RREB1: variants seen among roughly 807,000 people sequenced by gnomAD.
RREB1 encodes the protein ras-responsive element-binding protein 1.
A neutral mutation model predicts 117.8 loss-of-function variants in RREB1; 27 were observed. That is an observed-to-expected ratio of 0.23 (90% CI 0.17 to 0.32). The LOEUF (loss-of-function observed/expected upper bound fraction) is 0.32, where lower values mean the gene tolerates loss of function less well. RREB1 is among the 10% of genes least tolerant of loss of function. The pLI, the probability that RREB1 is intolerant of heterozygous loss-of-function variation, is 1.00. For synonymous variants in RREB1, 1,298 were observed against 1,026.7 expected (o/e 1.26, Z -5.05); for missense variants, 2,577 against 2,378.2 (o/e 1.08, Z -1.74).
chr6:7,201,839 T>C lies in RREB1; in HGVS notation c.426-8965T>C, dbSNP rs370521586. On this transcript the variant is annotated intron_variant, in intron 6 of 12. Coordinates refer to ENST00000379938, the MANE Select transcript of RREB1 (RefSeq NM_001003699.4). ...GTTTATGGGTGGGAAAACTGAGGTC[T>C]GCCATGCTGCAGGTTCTTCTGGGGC... is the stretch of plus-strand genomic sequence containing the variant. Among the ~76,000 whole-genome samples, 10 of 152,290 alleles carry C rather than the reference T, an allele frequency of 6.6e-5. 1 individual carries two copies. The East Asian group carries it at 7.7e-4, about 12-fold the overall frequency.
chr6:7,246,663 G>T lies in RREB1; in HGVS notation c.4213G>T (p.Gly1405Cys). The change falls in exon 12 of 13, where the codon GGC becomes TGC. Residue 1405 changes from glycine to cysteine, a missense_variant. Coordinates refer to ENST00000379938, the MANE Select transcript of RREB1 (RefSeq NM_001003699.4). ...TGAGGAGAGCACTGGGGACGCCGACGGCGCGGAAGAGGACGCGTCGAGCAA... is the reference window on the plus strand; with the variant it reads ...TGAGGAGAGCACTGGGGACGCCGACTGCGCGGAAGAGGACGCGTCGAGCAA... ...GTEESTGDAD[G>C]AEEDASSNQS... is the part of the protein sequence containing the mutation. The T allele has an allele frequency of 1.9e-6, 3 of 1,579,260 alleles. No individual in the cohort carries two copies. Among genetic ancestry groups the T allele is most frequent in the South Asian group, 2.3e-5 (2 of 86,208 alleles).
chr6:7,174,620 T>C (rs1327499593), intron 1 of RREB1, among the ~76,000 whole-genome samples: 4 of 152,356 alleles, frequency 2.6e-5, no homozygotes. Context: ...ATTGTATTTA[T>C]TTATTTTTTT....
At chr6:7,164,134 A>AC (rs2113472499) in intron 1 of RREB1, among the ~76,000 whole-genome samples, 1 of 152,016 alleles carries the variant, frequency 6.6e-6, no homozygotes, top group African/African-American at 2.4e-5. Flanking sequence ...TATTATCTAG[A>AC]CTCATAAAAA....
Position 7,248,755 on chromosome 6 carries a change from C to G in RREB1, c.5016C>G (p.Ser1672Arg), listed in dbSNP as rs1483760568. The change falls in exon 13 of 13, where the codon AGC becomes AGG. Residue 1672 changes from serine to arginine, a missense_variant. Ser to Arg is a moderately radical substitution (Grantham distance 110, BLOSUM62 -1). Coordinates refer to ENST00000379938, the MANE Select transcript of RREB1 (RefSeq NM_001003699.4). The part of the protein sequence containing the change: ...NASNHMAVTR[S>R]RKEGLASATK... ...GCAACCACATGGCTGTCACCCGGAG[C>G]CGGAAGGAGGGCTTGGCCAGTGCCA... 6.2e-7 allele frequency: 1 copy of G among 1,614,106 alleles called. No individual in the cohort carries two copies. The highest frequency in any genetic ancestry group is 8.5e-7 in the Non-Finnish European group (1 of 1,180,006).
chr6:7,158,634 A>T lies in RREB1; in HGVS notation c.-284-18021A>T, dbSNP rs141201512. 8.5e-5 allele frequency among the ~76,000 whole-genome samples: 13 copies of T among 152,330 alleles called. No homozygotes were observed. The East Asian group carries it at 2.5e-3, about 29-fold the overall frequency. ...TTTCTAGACCTAAAATTAGAATTGT[A>T]TAGACAGCACTTAATTCTCTTACCT... On this transcript the variant is annotated intron_variant, in intron 1 of 12. Coordinates refer to ENST00000379938, the MANE Select transcript of RREB1 (RefSeq NM_001003699.4).
chr6:7,127,016 T>G (rs910571480), intron 1 of RREB1, among the ~76,000 whole-genome samples: 2 of 152,160 alleles, frequency 1.3e-5, no homozygotes, highest in African/African-American at 2.4e-5. Context: ...GAAAACGTCC[T>G]TCTAGGCAAA....
chr6:7,153,413 T>TACACACACACACACACACAC lies in RREB1; in HGVS notation c.-284-23230_-284-23211dup, dbSNP rs57110705. 2.6e-3 allele frequency among the ~76,000 whole-genome samples: 380 copies of TACACACACACACACACACAC among 145,814 alleles called. 3 individuals carry two copies. Among genetic ancestry groups the TACACACACACACACACACAC allele is most frequent in the African/African-American group, 7.7e-3 (303 of 39,264 alleles). On this transcript the variant is annotated intron_variant, in intron 1 of 12. Transcript: ENST00000379938. ...AAGTCAAGGGATTCCAGTAGTGGTA[T>TACACACACACACACACACAC]ACACACACACACACACACACACACA...
intron 1 of RREB1, among the ~76,000 whole-genome samples, chr6:7,117,706 A>G (rs1346699570): frequency 6.6e-6 from 1 of 151,572 alleles, no homozygotes; most frequent in Non-Finnish European, 1.5e-5. Context: ...ACCGCGCCCC[A>G]CCAGATTTCC....
intron 6 of RREB1, among the ~76,000 whole-genome samples, chr6:7,208,126 A>G (rs1279101620): frequency 6.6e-6 from 1 of 152,198 alleles, no homozygotes; most frequent in Non-Finnish European, 1.5e-5. Context: ...TAGCCCTTGA[A>G]ATCAACCCTG....
chr6:7,249,018 T>C lies in RREB1; in HGVS notation c.*50T>C. The C allele has an allele frequency of 7.2e-7, 1 of 1,391,480 alleles. No individual in the cohort carries two copies. The highest frequency in any genetic ancestry group is 2.5e-5 in the East Asian group (1 of 39,752). 86.2% of individuals were successfully genotyped at this position (1,391,480 alleles called of 1,614,324 possible). ...ACAAAAGCCAGCAGAGCAAAGCGTCTATACTTCATGGGGTTTCCTCAGTGC... is the reference window on the plus strand; with the variant it reads ...ACAAAAGCCAGCAGAGCAAAGCGTCCATACTTCATGGGGTTTCCTCAGTGC... On this transcript the variant is annotated 3_prime_UTR_variant, in exon 13 of 13. Transcript: ENST00000379938.
intron 8 of RREB1, chr6:7,211,952 GAGT>G: frequency 3.9e-6 from 2 of 514,470 alleles, no homozygotes; most frequent in Non-Finnish European, 7.0e-6. Context: ...AAAGCCCCTT[GAGT>G]AGTCACCAGT....
At position 7,246,645 on chromosome 6, in the gene RREB1, A is replaced by G. The variant is rs753055335; in HGVS notation, c.4195A>G (p.Ser1399Gly). Residue 1399 changes from serine to glycine, a missense_variant, in exon 12 of 13, where the codon AGC becomes GGC. Coordinates refer to ENST00000379938, the MANE Select transcript of RREB1 (RefSeq NM_001003699.4). ...GGAGGAGGAGCATGGCACTGAGGAGAGCACTGGGGACGCCGACGGCGCGGA... is the reference window on the plus strand; with the variant it reads ...GGAGGAGGAGCATGGCACTGAGGAGGGCACTGGGGACGCCGACGGCGCGGA... ...EPEEEHGTEE[S>G]TGDADGAEED... The G allele has an allele frequency of 3.2e-6, 5 of 1,574,384 alleles. No individual in the cohort carries two copies. In the African/African-American group the frequency reaches 5.4e-5, roughly 17 times the overall value.
At chr6:7,113,542 G>A (rs527494421) in intron 1 of RREB1, among the ~76,000 whole-genome samples, 2 of 152,268 alleles carry the variant, frequency 1.3e-5, no homozygotes, top group East Asian at 3.9e-4. Flanking sequence ...AGTTGGGTGG[G>A]TATGTTGACC....
intron 11 of RREB1, among the ~76,000 whole-genome samples, chr6:7,241,691 G>A (rs1391621739): frequency 1.3e-5 from 2 of 152,134 alleles, no homozygotes; most frequent in Admixed American, 1.3e-4. Context: ...ATCTGAAGTG[G>A]AGAGGCCACC....
At chr6:7,201,592 A>G (rs1407949310) in intron 6 of RREB1, among the ~76,000 whole-genome samples, 3 of 138,046 alleles carry the variant, frequency 2.2e-5, no homozygotes, top group Admixed American at 8.5e-5. Flanking sequence ...TCCTCATCTC[A>G]CCTTTGGCAT....
At chr6:7,224,644 TC>T (rs1767477531) in intron 8 of RREB1, among the ~76,000 whole-genome samples, 2 of 152,136 alleles carry the variant, frequency 1.3e-5, no homozygotes, top group African/African-American at 4.8e-5. Context: ...AGAAAGAACC[TC>T]ACCCAGAGGG....
At position 7,226,605 on chromosome 6, in the gene RREB1, C is replaced by T. The variant is rs115003447; in HGVS notation, c.846C>T (p.His282=). The change falls in exon 9 of 13, where the codon CAC becomes CAT. Residue 282 remains histidine (H), a synonymous_variant. Coordinates refer to ENST00000379938, the MANE Select transcript of RREB1 (RefSeq NM_001003699.4). ...ACCCTTCAATTCCTGCTGGCTTCCA[C>T]GACTTAGGATTCACGGACTTCTCCT... is the stretch of plus-strand genomic sequence containing the variant. ...QNNPSIPAGF[H]DLGFTDFSCR... 1.1e-4 allele frequency: 176 copies of T among 1,614,172 alleles called. 1 individual carries two copies. The East Asian group carries it at 2.7e-3, about 25-fold the overall frequency.
intron 10 of RREB1, among the ~76,000 whole-genome samples, chr6:7,234,782 G>T (rs1768219204): frequency 6.6e-6 from 1 of 152,184 alleles, no homozygotes; most frequent in Admixed American, 6.5e-5. Context: ...TACTTTTAAG[G>T]AGCTAAGTAA....
intron 1 of RREB1, among the ~76,000 whole-genome samples, chr6:7,117,388 G>GTTTTTTTTTTTTTTTT (rs70978941): frequency 2.2e-4 from 14 of 63,294 alleles, no homozygotes; most frequent in Non-Finnish European, 3.0e-4. Flanking sequence ...TAGGTTTCCT[G>GTTTTTTTTTTTTTTTT]TTTTTTTTTT....
Sources: gnomAD v4.1 joint callset for allele counts (sites outside exome capture counted in the v4.1 genomes callset) on GRCh38, gnomAD v4.1.1 for gene constraint, MANE v1.5 for transcripts, NCBI Gene and HGNC (gene_info 2026-07-23, HGNC 2026-07-21) for gene names.